CLINT1: variants seen among roughly 807,000 people sequenced by gnomAD.
CLINT1 encodes clathrin interacting protein localized in the trans-Golgi region.
A neutral mutation model predicts 70.4 loss-of-function variants in CLINT1; 15 were observed. The ratio of observed to expected loss-of-function variants is 0.21; its 90% CI spans 0.14 to 0.33. CLINT1 has a LOEUF of 0.33. Among genes scored for constraint, CLINT1 ranks in the 10% least tolerant of loss-of-function variants. The probability of loss-of-function intolerance (pLI) is 1.00; values close to 1 mark genes in which losing one functional copy is unlikely to be tolerated. For synonymous variants in CLINT1, 227 were observed against 254.7 expected (o/e 0.89, Z 1.04); for missense variants, 615 against 778.1 (o/e 0.79, Z 2.49).
At chr5:157,840,241 T>C (rs1006219122) in intron 1 of CLINT1, among the ~76,000 whole-genome samples, 13 of 98,060 alleles carry the variant, frequency 1.3e-4, no homozygotes, top group Admixed American at 2.0e-4. Context: ...AACTGAGGAA[T>C]AGTCTATTTA....
At chr5:157,803,500 A>T (rs536737779) in intron 8 of CLINT1, 150 bp downstream of exon 8, 11 of 502,414 alleles carry the variant, frequency 2.2e-5, no homozygotes, top group Non-Finnish European at 3.7e-5. Context: ...AAAATAACAC[A>T]ATGATTCCAA....
chr5:157,821,173 A>T (rs1581510167), intron 1 of CLINT1, among the ~76,000 whole-genome samples: 1 of 149,030 alleles, frequency 6.7e-6, no homozygotes, highest in South Asian at 2.1e-4. Flanking sequence ...TGTAATTATC[A>T]TTATAACACT....
At chr5:157,809,063 A>G (rs1762466163) in intron 6 of CLINT1, 1 of 152,160 alleles carries the variant, frequency 6.6e-6, no homozygotes, top group African/African-American at 2.4e-5. Context: ...AATTGCAAGT[A>G]GTGTATAACC....
rs77083803 is a variant in CLINT1, at chr5:157,813,275, T to C, written c.353-48A>G. On this transcript the variant is annotated intron_variant, in intron 4 of 11. Coordinates refer to ENST00000411809, the MANE Select transcript of CLINT1 (RefSeq NM_014666.4). ...GCAAAACCTAAGAATTCACTTAATA[T>C]GTATCAAGCTCTTTAAGATTAAAAA... is the stretch of plus-strand genomic sequence containing the variant. 7 of 1,496,672 alleles carry C rather than the reference T, an allele frequency of 4.7e-6. No homozygotes were observed. The East Asian group carries it at 9.4e-5, about 20-fold the overall frequency. 92.7% of individuals were successfully genotyped at this position (1,496,672 alleles called of 1,614,324 possible).
intron 4 of CLINT1, 84 bp downstream of exon 4, chr5:157,814,101 G>A (rs958960096): frequency 2.4e-6 from 2 of 833,094 alleles, no homozygotes; most frequent in Non-Finnish European, 4.0e-6. Context: ...TCTAATTAGA[G>A]CAGAGAAGCT....
chr5:157,851,636 G>C (rs991855945), intron 1 of CLINT1, among the ~76,000 whole-genome samples: 1 of 146,700 alleles, frequency 6.8e-6, no homozygotes, highest in African/African-American at 2.5e-5. Flanking sequence ...GGCTGAAGCA[G>C]AGATGGCACC....
intron 5 of CLINT1, among the ~76,000 whole-genome samples, chr5:157,812,511 G>C (rs1223766995): frequency 6.6e-6 from 1 of 152,130 alleles, no homozygotes; most frequent in East Asian, 1.9e-4. Flanking sequence ...AGTGTACTGG[G>C]AAGAATAAAC....
At chr5:157,826,952 T>C (rs1337216558) in intron 1 of CLINT1, among the ~76,000 whole-genome samples, 1 of 152,160 alleles carries the variant, frequency 6.6e-6, no homozygotes, top group African/African-American at 2.4e-5. Flanking sequence ...AAACTGTACA[T>C]TTAGGAAATA....
At position 157,814,223 on chromosome 5, in the gene CLINT1, A is replaced by G. The variant is rs977900178; in HGVS notation, c.314T>C (p.Ile105Thr). ...ATTTTCCAGGGATCGTAAATCATAA[A>G]TGTGTTCTCTGGCACTTGTAACAAC... is the stretch of plus-strand genomic sequence containing the variant. ...ERVVTSAREH[I>T]YDLRSLENYH... Residue 105 changes from isoleucine to threonine, a missense_variant, in exon 4 of 12, where the codon ATT (isoleucine) becomes ACT (threonine). Ile to Thr is a moderately conservative substitution (Grantham distance 89). This residue lies in a region of CLINT1 where 241 missense variants were observed against 368.6 expected (regional missense o/e 0.65). Transcript: ENST00000411809. 6.2e-7 allele frequency: 1 copy of G among 1,610,552 alleles called. No individual in the cohort carries two copies. Among genetic ancestry groups the G allele is most frequent in the Admixed American group, 1.7e-5 (1 of 59,566 alleles).
intron 1 of CLINT1, among the ~76,000 whole-genome samples, chr5:157,855,992 A>G (rs953074613): frequency 1.3e-5 from 2 of 152,208 alleles, no homozygotes; most frequent in Admixed American, 6.5e-5. Flanking sequence ...ACTGAATCTA[A>G]GAGTGGCTCC....
At chr5:157,818,467 T>TAAAAAAAAA (rs929415179) in intron 1 of CLINT1, among the ~76,000 whole-genome samples, 10 of 88,330 alleles carry the variant, frequency 1.1e-4, no homozygotes, top group East Asian at 3.2e-4. Context: ...ACCTGGTCTC[T>TAAAAAAAAA]AAAAAAAAAA....
At chr5:157,831,502 T>C (rs892808912) in intron 1 of CLINT1, among the ~76,000 whole-genome samples, 1 of 151,578 alleles carries the variant, frequency 6.6e-6, no homozygotes, top group Non-Finnish European at 1.5e-5. Context: ...TTATAACACA[T>C]AGCAGGACAA....
At chr5:157,815,068 A>C (rs868379284) in intron 3 of CLINT1, among the ~76,000 whole-genome samples, 1 of 151,946 alleles carries the variant, frequency 6.6e-6, no homozygotes, top group South Asian at 2.1e-4. Context: ...AAAAAATAAT[A>C]ATTTAAACAA....
chr5:157,851,965 G>C (rs866387805), intron 1 of CLINT1, among the ~76,000 whole-genome samples: 3 of 152,114 alleles, frequency 2.0e-5, no homozygotes, highest in African/African-American at 7.2e-5. Context: ...TAACCAGAAA[G>C]CCCTTTCTCC....
chr5:157,858,762 C>T (rs1181257388), intron 1 of CLINT1, among the ~76,000 whole-genome samples, 168 bp downstream of exon 1: 5 of 152,154 alleles, frequency 3.3e-5, no homozygotes, highest in Admixed American at 6.5e-5. Context: ...TCCCCAGCCT[C>T]GCCAGCGGGG....
intron 9 of CLINT1, among the ~76,000 whole-genome samples, chr5:157,792,470 C>T (rs1761947454): frequency 6.6e-6 from 1 of 152,174 alleles, no homozygotes; most frequent in South Asian, 2.1e-4. Context: ...ATCGCTTGAA[C>T]CCGGGAGGCG....
At chr5:157,837,048 C>T (rs1434919346) in intron 1 of CLINT1, among the ~76,000 whole-genome samples, 1 of 152,156 alleles carries the variant, frequency 6.6e-6, no homozygotes, top group African/African-American at 2.4e-5. Context: ...ACACTTTATT[C>T]CCCTTGGGAT....
intron 5 of CLINT1, among the ~76,000 whole-genome samples, chr5:157,811,559 A>G (rs1762559767): frequency 6.6e-6 from 1 of 152,000 alleles, no homozygotes; most frequent in Non-Finnish European, 1.5e-5. Flanking sequence ...AGAAAAAGAA[A>G]AAACACAAAA....
Position 157,794,910 on chromosome 5 carries a change from A to C in CLINT1, c.1075T>G (p.Phe359Val), listed in dbSNP as rs764201579. The C allele has an allele frequency of 1.9e-6, 3 of 1,558,606 alleles. No individual in the cohort carries two copies. Among genetic ancestry groups the C allele is most frequent in the Non-Finnish European group, 2.6e-6 (3 of 1,150,570 alleles). Reference sequence around the variant, plus strand: ...AATTGAATCATACCTTGGGAAGGGAAACTGCCTGATGCAGCAGCTGAGCCA... The same window carrying C: ...AATTGAATCATACCTTGGGAAGGGACACTGCCTGATGCAGCAGCTGAGCCA... ...DFGSAAASGS[F>V]PSQVTATSGN... Residue 359 changes from phenylalanine to valine, a missense_variant, in exon 9 of 12, where the codon TTC becomes GTC. Around this residue, in one of 2 missense-constraint regions of CLINT1, gnomAD observed 374 missense variants for 409.6 expected, o/e 0.91. Coordinates refer to ENST00000411809, the MANE Select transcript of CLINT1 (RefSeq NM_014666.4).
Sources: gnomAD v4.1 joint callset for allele counts (sites outside exome capture counted in the v4.1 genomes callset) on GRCh38, gnomAD v4.1.1 for gene constraint, gnomAD v4.1.1 regional missense constraint, MANE v1.5 for transcripts, NCBI Gene and HGNC (gene_info 2026-07-23, HGNC 2026-07-21) for gene names.